MUSK: variants seen among roughly 807,000 people sequenced by gnomAD.
MUSK encodes muscle, skeletal receptor tyrosine-protein kinase.
Under a neutral mutation model 88.7 loss-of-function variants are expected in MUSK, and 55 were observed. That is an observed-to-expected ratio of 0.62 (90% CI 0.50 to 0.78). The LOEUF is 0.78. Among genes scored for constraint, MUSK ranks in the 30% least tolerant of loss-of-function variants. MUSK has a pLI of 0.00. For missense variants in MUSK, 1,015 were observed against 1,074.3 expected, an observed-to-expected ratio of 0.94 and a Z score of 0.77; for synonymous variants, 387 against 391.9, an observed-to-expected ratio of 0.99 and a Z score of 0.15.
chr9:110,764,645 A>C (rs190563738), intron 8 of MUSK, among the ~76,000 whole-genome samples: 57 of 152,082 alleles, frequency 3.7e-4, no homozygotes, highest in African/African-American at 1.3e-3. Context: ...ATAGGTAGGT[A>C]GATCATCGGT....
At chr9:110,690,046 A>AT (rs2076302346) in intron 3 of MUSK, among the ~76,000 whole-genome samples, 1 of 95,928 alleles carries the variant, frequency 1.0e-5, no homozygotes, top group Non-Finnish European at 1.8e-5. Flanking sequence ...TATAAGTATA[A>AT]ATATATAAAT....
intron 5 of MUSK, among the ~76,000 whole-genome samples, 176 bp from the exon 6 acceptor site, chr9:110,734,075 T>C (rs2076998272): frequency 6.6e-6 from 1 of 151,912 alleles, no homozygotes. Flanking sequence ...AAATATAGGG[T>C]TATAACATAA....
Position 110,717,062 on chromosome 9 carries a change from T to C in MUSK, c.629-17189T>C, listed in dbSNP as rs1411551588. 1.3e-5 allele frequency among the ~76,000 whole-genome samples: 2 copies of C among 149,896 alleles called. 1 individual carries two copies. Among genetic ancestry groups the C allele is most frequent in the East Asian group, 3.9e-4 (2 of 5,174 alleles). On this transcript the variant is annotated intron_variant, in intron 5 of 14. Transcript: ENST00000374448. ...ATAGATAAATACTTTTGTAATTCAA[T>C]CCAAAAGACTTTATTTTTAGTAGAT...
chr9:110,782,284 C>G (rs2077773088), intron 11 of MUSK, among the ~76,000 whole-genome samples: 1 of 151,986 alleles, frequency 6.6e-6, no homozygotes, highest in South Asian at 2.1e-4. Context: ...TCCTTTAGAC[C>G]CAAAGAGATC....
intron 1 of MUSK, among the ~76,000 whole-genome samples, chr9:110,672,135 G>C (rs1002440399): frequency 6.6e-6 from 1 of 152,192 alleles, no homozygotes. Flanking sequence ...TGAGTAAACA[G>C]AGTTGCTTCA....
intron 14 of MUSK, chr9:110,788,045 C>A (rs1312142221): frequency 3.5e-6 from 2 of 571,462 alleles, no homozygotes; most frequent in African/African-American, 3.8e-5. Context: ...TTCATCACTT[C>A]AATTTGTCTC....
rs146514560 is a variant in MUSK, at chr9:110,734,413, C to T, written c.753+38C>T. 116 of 1,612,308 alleles carry T rather than the reference C, an allele frequency of 7.2e-5. No homozygotes were observed. In the African/African-American group the frequency reaches 1.4e-3, roughly 20 times the overall value. On this transcript the variant is annotated intron_variant, in intron 6 of 14. Coordinates refer to ENST00000374448, the MANE Select transcript of MUSK (RefSeq NM_005592.4). Reference sequence around the variant, plus strand: ...TGTGTGGGGACTTGTCTGGGGAAGACCCATTGGTGGTGAACTTCAGGATAG... The same window carrying T: ...TGTGTGGGGACTTGTCTGGGGAAGATCCATTGGTGGTGAACTTCAGGATAG...
rs1408070777 is a variant in MUSK at position 110,804,676 on chromosome 9, A to G, written c.*3688A>G. The stretch of plus-strand genomic sequence containing the variant: ...AGATCACATCTACTTACTTTACCTT[A>G]AAATAACATTTACTTATTTTCTTAT... On this transcript the variant is annotated 3_prime_UTR_variant, in exon 15 of 15. Coordinates refer to ENST00000374448, the MANE Select transcript of MUSK (RefSeq NM_005592.4). 6.9e-6 allele frequency among the ~76,000 whole-genome samples: 1 copy of G among 145,902 alleles called. No homozygotes were observed. The highest frequency in any genetic ancestry group is 2.4e-5 in the African/African-American group (1 of 41,070).
chr9:110,775,804 G>A lies in MUSK; in HGVS notation c.1201G>A (p.Val401Ile), dbSNP rs1304458978. The A allele has an allele frequency of 6.2e-7, 1 of 1,613,872 alleles. No homozygotes were observed. Residue 401 changes from valine (V) to isoleucine (I), a missense_variant, in exon 10 of 15, where the codon GTA (valine) becomes ATA (isoleucine). Val to Ile is a conservative substitution (Grantham distance 29). Coordinates refer to ENST00000374448, the MANE Select transcript of MUSK (RefSeq NM_005592.4). ...CTATTTTAGAGAGTACTGCTTGGCA[G>A]TAAAGGAGCTCTTCTGCGCAAAAGA... is the stretch of plus-strand genomic sequence containing the variant. ...IPICREYCLAVKELFCAKEWL... is the reference protein window; with the variant it reads ...IPICREYCLAIKELFCAKEWL...
intron 5 of MUSK, among the ~76,000 whole-genome samples, chr9:110,729,489 G>A (rs147692031): frequency 3.6e-4 from 55 of 151,586 alleles, no homozygotes; most frequent in Admixed American, 5.3e-4. Flanking sequence ...TCTCAAACTG[G>A]TATTATTTAA....
chr9:110,782,111 C>T (rs1211456836), intron 11 of MUSK, among the ~76,000 whole-genome samples: 1 of 152,190 alleles, frequency 6.6e-6, no homozygotes, highest in Non-Finnish European at 1.5e-5. Context: ...CTCATGTTCA[C>T]CACAGTGTTC....
Position 110,770,716 on chromosome 9 carries a change from G to T in MUSK, c.1184+2633G>T, listed in dbSNP as rs149990346. Among the ~76,000 whole-genome samples, 584 of 147,578 alleles carry T rather than the reference G, an allele frequency of 4.0e-3. 5 individuals are homozygous for T. The highest frequency in any genetic ancestry group is 0.014 in the African/African-American group (561 of 39,874). On this transcript the variant is annotated intron_variant, in intron 9 of 14. Transcript: ENST00000374448. ...TCTTTTTATGTAGATCTTGTATTAT[G>T]CCTGCTAGTAAAATTTGATGATTTC...
intron 5 of MUSK, among the ~76,000 whole-genome samples, chr9:110,723,967 C>G (rs1419245175): frequency 1.3e-5 from 2 of 151,950 alleles, no homozygotes; most frequent in Non-Finnish European, 2.9e-5. Context: ...GTTAATCTTT[C>G]ACATTTCTGT....
intron 1 of MUSK, among the ~76,000 whole-genome samples, chr9:110,669,581 G>GT (rs1329241848): frequency 6.6e-6 from 1 of 152,124 alleles, no homozygotes; most frequent in Non-Finnish European, 1.5e-5. Context: ...GACTGCAAAA[G>GT]TTTTTTTCAG....
chr9:110,691,594 T>C (rs1323900689), intron 3 of MUSK, among the ~76,000 whole-genome samples: 1 of 152,158 alleles, frequency 6.6e-6, no homozygotes, highest in East Asian at 1.9e-4. Flanking sequence ...CATGGCCTCC[T>C]GTCCTGTAAG....
intron 10 of MUSK, among the ~76,000 whole-genome samples, chr9:110,776,344 G>C (rs561168294): frequency 5.9e-5 from 9 of 152,216 alleles, no homozygotes; most frequent in Admixed American, 2.0e-4. Flanking sequence ...AGCCAAGAAA[G>C]CATGCTAAAA....
At chr9:110,689,242 T>TATGA (rs1554734720) in intron 3 of MUSK, among the ~76,000 whole-genome samples, 3 of 115,618 alleles carry the variant, frequency 2.6e-5, no homozygotes, top group East Asian at 2.4e-4. Context: ...TATATAAATA[T>TATGA]ATAAACTATA....
chr9:110,777,996 A>G (rs189130003), intron 11 of MUSK, among the ~76,000 whole-genome samples: 6 of 152,242 alleles, frequency 3.9e-5, no homozygotes, highest in Admixed American at 3.9e-4. Context: ...TAGCAGGTCA[A>G]TAGTGGAGCA....
In MUSK at chr9:110,776,625, C is replaced by G; in HGVS notation, c.1361-7C>G. 2.5e-6 allele frequency: 4 copies of G among 1,597,738 alleles called. No individual in the cohort carries two copies. Among genetic ancestry groups the G allele is most frequent in the Non-Finnish European group, 3.4e-6 (4 of 1,166,710 alleles). On this transcript the variant is annotated splice_polypyrimidine_tract_variant and splice_region_variant and intron_variant, in intron 10 of 14. Transcript: ENST00000374448. ...CTTAAAACAAATTTTTATCCTTTCC[C>G]CTTCAGATTATAACAAAGAAAACCT...
Sources: gnomAD v4.1 joint callset for allele counts (sites outside exome capture counted in the v4.1 genomes callset) on GRCh38, gnomAD v4.1.1 for gene constraint, MANE v1.5 for transcripts, NCBI Gene and HGNC (gene_info 2026-07-23, HGNC 2026-07-21) for gene names.